LCT: variants seen among roughly 807,000 people sequenced by gnomAD.
LCT encodes the protein lactase, also known as lactase/phlorizin hydrolase.
LCT carries 90 observed loss-of-function variants against 173.0 expected under a neutral mutation model. That is an observed-to-expected ratio of 0.52 (90% confidence interval 0.44 to 0.62). The LOEUF is 0.62. Among genes scored for constraint, LCT ranks in the 20% least tolerant of loss-of-function variants. The pLI, the probability that LCT is intolerant of heterozygous loss-of-function variation, is 0.00. For synonymous variants in LCT, 853 were observed against 957.6 expected, an observed-to-expected ratio of 0.89 and a Z score of 2.02; for missense variants, 1,864 against 2,431.4, an observed-to-expected ratio of 0.77 and a Z score of 4.91.
At chr2:135,828,405 A>G (rs1371849733) in intron 3 of LCT, among the ~76,000 whole-genome samples, 2 of 152,072 alleles carry the variant, frequency 1.3e-5, no homozygotes, top group African/African-American at 2.4e-5. Flanking sequence ...ACCACAGGTG[A>G]GTGTAGGGGG....
chr2:135,813,226 TAACAATGTCAACAAGTC>T lies in LCT; in HGVS notation c.1708-287_1708-271del, dbSNP rs144439559. On this transcript the variant is annotated intron_variant, in intron 6 of 16. Coordinates refer to ENST00000264162, the MANE Select transcript of LCT (RefSeq NM_002299.4). ...ATAAACAACAAGTTAAGACTGATAC[TAACAATGTCAACAAGTC>T]AACAATGTCAAGAAATCCAAACCAA... Among the ~76,000 whole-genome samples the T allele has an allele frequency of 0.01, 1,577 of 152,262 alleles. 85 individuals carry two copies. The East Asian group carries it at 0.18, about 17-fold the overall frequency.
intron 9 of LCT, among the ~76,000 whole-genome samples, chr2:135,806,433 T>C (rs374190871): frequency 3.9e-5 from 6 of 152,218 alleles, no homozygotes; most frequent in African/African-American, 1.4e-4. Context: ...AGCTTAAGTG[T>C]GCAGTGTTCA....
intron 14 of LCT, among the ~76,000 whole-genome samples, chr2:135,791,338 T>A (rs1408902191): frequency 6.6e-6 from 1 of 152,120 alleles, no homozygotes; most frequent in East Asian, 1.9e-4. Context: ...GCACGAATAT[T>A]TGTAGGGGCC....
chr2:135,803,934 A>G lies in LCT; in HGVS notation c.4659T>C (p.Ala1553=). 3 of 1,613,600 alleles carry G rather than the reference A, an allele frequency of 1.9e-6. No individual in the cohort carries two copies. Among genetic ancestry groups the G allele is most frequent in the South Asian group, 1.1e-5 (1 of 90,858 alleles). Residue 1553 remains alanine (A), a synonymous_variant, in exon 11 of 17, where the codon GCT becomes GCC. Coordinates refer to ENST00000264162, the MANE Select transcript of LCT (RefSeq NM_002299.4). Reference sequence around the variant, plus strand: ...TGAGCCAGGGCTGGGACTTACCTGGAGCTGCTGTTCCGTAGCCATAGCCCT... The same window carrying G: ...TGAGCCAGGGCTGGGACTTACCTGGGGCTGCTGTTCCGTAGCCATAGCCCT... ...AYQGYGYGTA[A]PGVSNRPGTA...
intron 12 of LCT, among the ~76,000 whole-genome samples, chr2:135,798,479 C>T (rs1653322394): frequency 6.6e-6 from 1 of 152,236 alleles, no homozygotes; most frequent in South Asian, 2.1e-4. Context: ...AGGGAGAACC[C>T]ACAAGCCTCC....
Position 135,835,482 on chromosome 2 carries a change from G to GTATATA in LCT, c.640+1042_640+1047dup, listed in dbSNP as rs55900419. On this transcript the variant is annotated intron_variant, in intron 1 of 16. Coordinates refer to ENST00000264162, the MANE Select transcript of LCT (RefSeq NM_002299.4). ...TAAAATGAAAAAGTAGAACATAGAA[G>GTATATA]TATATATATATATATATATATATAT... Among the ~76,000 whole-genome samples the GTATATA allele has an allele frequency of 4.9e-4, 33 of 67,954 alleles. 1 individual carries two copies. Among genetic ancestry groups the GTATATA allele is most frequent in the South Asian group, 9.2e-4 (2 of 2,180 alleles). 44.6% of individuals were successfully genotyped at this position (67,954 alleles called of 152,430 possible).
At chr2:135,815,979 G>T (rs1019834505) in intron 6 of LCT, among the ~76,000 whole-genome samples, 2 of 152,148 alleles carry the variant, frequency 1.3e-5, no homozygotes, top group African/African-American at 2.4e-5. Context: ...GGGATTACAG[G>T]CGTGAGCCAC....
rs769768135 is a variant in LCT, at chr2:135,823,932, G to A, written c.876C>T (p.Asn292=). 4.3e-5 allele frequency: 69 copies of A among 1,613,736 alleles called. No homozygotes were observed. The highest frequency in any genetic ancestry group is 2.0e-4 in the East Asian group (9 of 44,900). ...AAAGGCTGAAGAGCAGACTGGCTGG[G>A]TTCTTCATGGTGGAGGGGCAGTCTG... ...KLPDCPSTMK[N]PASLLFSLFE... The change falls in exon 4 of 17, where the codon AAC becomes AAT. Residue 292 remains asparagine, a synonymous_variant. Coordinates refer to ENST00000264162, the MANE Select transcript of LCT (RefSeq NM_002299.4).
At chr2:135,806,865 A>G (rs1159587346) in intron 9 of LCT, among the ~76,000 whole-genome samples, 1 of 152,142 alleles carries the variant, frequency 6.6e-6, no homozygotes, top group Non-Finnish European at 1.5e-5. Flanking sequence ...TTGCCCAAGT[A>G]CTTCTGCCCA....
At chr2:135,821,133 A>G (rs4954451) in intron 5 of LCT, among the ~76,000 whole-genome samples, 149,219 of 152,030 alleles carry the variant, frequency 0.98, 73,278 homozygotes, top group East Asian at 1. Context: ...CACCCGCCTC[A>G]GCCTCCCAAA....
At position 135,804,114 on chromosome 2, in the gene LCT, G is replaced by T. The variant is rs2077649279; in HGVS notation, c.4479C>A (p.His1493Gln). 1.2e-6 allele frequency: 2 copies of T among 1,613,774 alleles called. No individual in the cohort carries two copies. The highest frequency in any genetic ancestry group is 1.7e-6 in the Non-Finnish European group (2 of 1,179,936). ...ASIQPQVTIY[H>Q]WDLPQTLQDV... Reference sequence around the variant, plus strand: ...CTTGGAGCGTCTGTGGTAGGTCCCAGTGGTAAATGGTCACCTGGGAAGAAG... The same window carrying T: ...CTTGGAGCGTCTGTGGTAGGTCCCATTGGTAAATGGTCACCTGGGAAGAAG... The change falls in exon 11 of 17, where the codon CAC becomes CAA. Residue 1493 changes from histidine (H) to glutamine (Q), a missense_variant. By Grantham distance (24) the His-to-Gln change is conservative. Transcript: ENST00000264162.
In LCT at chr2:135,817,630, C is replaced by G; in HGVS notation, c.1418G>C (p.Gly473Ala). ...MGHGSSPSLP[G>A]VAYYNKLIDR... ...AATCAGCTTGTTGTAGTAGGCAACG[C>G]CTGGGAGGCTGGGGCTGCTCCCGTG... The change falls in exon 6 of 17, where the codon GGC (glycine) becomes GCC (alanine). Residue 473 changes from glycine (G) to alanine (A), a missense_variant. Coordinates refer to ENST00000264162, the MANE Select transcript of LCT (RefSeq NM_002299.4). 6.2e-7 allele frequency: 1 copy of G among 1,613,996 alleles called. No individual in the cohort carries two copies. Among genetic ancestry groups the G allele is most frequent in the Non-Finnish European group, 8.5e-7 (1 of 1,180,010 alleles).
chr2:135,803,553 G>T (rs1302606765), intron 11 of LCT, among the ~76,000 whole-genome samples: 1 of 152,198 alleles, frequency 6.6e-6, no homozygotes, highest in African/African-American at 2.4e-5. Context: ...ACTATTAAAT[G>T]AGCTCAGGTC....
At position 135,822,204 on chromosome 2, in the gene LCT, C is replaced by G. The variant is rs2077840515; in HGVS notation, c.908-106G>C. 1.7e-5 allele frequency: 13 copies of G among 770,942 alleles called. No homozygotes were observed. In the Admixed American group the frequency reaches 2.4e-4, roughly 14 times the overall value. The allele number at this position is 770,942 out of a possible 1,614,324, so 47.8% of individuals were successfully genotyped here. ...TCATACGACACACCCAAACTCCAAGCAGTGGTTCCAAGCCCCTTTGGAAAA... is the reference window on the plus strand; with the variant it reads ...TCATACGACACACCCAAACTCCAAGGAGTGGTTCCAAGCCCCTTTGGAAAA... On this transcript the variant is annotated intron_variant, in intron 4 of 16. Transcript: ENST00000264162.
chr2:135,816,325 C>T (rs939742707), intron 6 of LCT, among the ~76,000 whole-genome samples: 4 of 152,148 alleles, frequency 2.6e-5, no homozygotes, highest in African/African-American at 9.7e-5. Flanking sequence ...TTGTCACAGC[C>T]TCCTGGCCAG....
Position 135,787,924 on chromosome 2 carries a change from G to T in LCT, c.*400C>A, listed in dbSNP as rs1210533766. ...GAGAGCTTGCAGAAGGGCAGGAGAT[G>T]ATATTGCAGTCTATGCAATGGAGTT... On this transcript the variant is annotated 3_prime_UTR_variant, in exon 17 of 17. Transcript: ENST00000264162. 1 of 225,112 alleles carries T rather than the reference G, an allele frequency of 4.4e-6. No individual in the cohort carries two copies. Among genetic ancestry groups the T allele is most frequent in the Admixed American group, 5.2e-5 (1 of 19,248 alleles). The allele number at this position is 225,112 out of a possible 1,614,324, so 13.9% of individuals were successfully genotyped here.
intron 7 of LCT, among the ~76,000 whole-genome samples, chr2:135,811,427 C>T (rs997646085): frequency 1.3e-5 from 2 of 152,076 alleles, no homozygotes; most frequent in Non-Finnish European, 2.9e-5. Flanking sequence ...ATCTATTTGC[C>T]ATACCTTTCC....
chr2:135,823,713 A>G (rs911137607), intron 4 of LCT, among the ~76,000 whole-genome samples, 188 bp downstream of exon 4: 6 of 152,182 alleles, frequency 3.9e-5, no homozygotes, highest in African/African-American at 1.2e-4. Context: ...TCTTGGGTCA[A>G]TGGGGGATGG....
chr2:135,804,196 C>T, intron 10 of LCT, 68 bp from the exon 11 acceptor site: 1 of 1,206,662 alleles, frequency 8.3e-7, no homozygotes, highest in Non-Finnish European at 1.2e-6. Flanking sequence ...GTTAGATGTG[C>T]CAGCATCAAC....
Sources: allele counts gnomAD v4.1 joint callset (sites outside exome capture counted in the v4.1 genomes callset), GRCh38; gene constraint gnomAD v4.1.1; transcripts MANE v1.5; gene names NCBI Gene and HGNC (gene_info 2026-07-23, HGNC 2026-07-21).